The following DPYSL5 variants were observed in gnomAD, a reference collection of about 807,000 sequenced individuals.
DPYSL5 encodes the protein dihydropyrimidinase-related protein 5.
In DPYSL5, 9 loss-of-function variants were observed where a neutral mutation model predicts 58.4. The observed-to-expected ratio is 0.15, with a 90% CI of 0.09 to 0.27. The LOEUF (loss-of-function observed/expected upper bound fraction) is 0.27, where lower values mean the gene tolerates loss of function less well. Among genes scored for constraint, DPYSL5 ranks in the 10% least tolerant of loss-of-function variants. DPYSL5 has a pLI of 1.00. For synonymous variants in DPYSL5, 293 were observed against 301.9 expected (o/e 0.97, Z 0.31); for missense variants, 499 against 770.6 (o/e 0.65, Z 4.17).
intron 1 of DPYSL5, among the ~76,000 whole-genome samples, chr2:26,864,446 G>A (rs1287261447): frequency 6.6e-6 from 1 of 152,190 alleles, no homozygotes; most frequent in African/African-American, 2.4e-5. Context: ...GTAGATGATG[G>A]GAAAGGTGGG....
At chr2:26,901,515 G>A (rs991739794) in intron 2 of DPYSL5, among the ~76,000 whole-genome samples, 9 of 152,202 alleles carry the variant, frequency 5.9e-5, no homozygotes, top group East Asian at 1.9e-4. Flanking sequence ...TGATGGGGAC[G>A]GGTGGATTTA....
rs190437889 is a variant in DPYSL5, at chr2:26,924,693, T to C, written c.262-194T>C. On this transcript the variant is annotated intron_variant, in intron 2 of 12. Transcript: ENST00000288699. This position sits in a 1 kb window ranked among gnomAD's most constrained non-coding sequence, Gnocchi z 4.7. ...AAGCAGGTTTGGGGACCCGTGGTCA[T>C]GATGAAGGTCGCGCTGGCTCTCGCA... Among the ~76,000 whole-genome samples the C allele has an allele frequency of 1.8e-3, 269 of 152,228 alleles. 4 individuals are homozygous for C. Among genetic ancestry groups the C allele is most frequent in the Non-Finnish European group, 4.7e-4 (32 of 68,008 alleles).
At chr2:26,895,400 T>C (rs1451715508) in intron 1 of DPYSL5, among the ~76,000 whole-genome samples, 3 of 152,358 alleles carry the variant, frequency 2.0e-5, no homozygotes, top group Non-Finnish European at 2.9e-5. Context: ...ATTTCTTTCA[T>C]TGGCATTTTG....
rs1663431810 is a variant in DPYSL5, at chr2:26,877,087, C to T, written c.-4-21409C>T. Among the ~76,000 whole-genome samples, 1 of 151,386 alleles carries T rather than the reference C, an allele frequency of 6.6e-6. No individual in the cohort carries two copies. Among genetic ancestry groups the T allele is most frequent in the African/African-American group, 2.4e-5 (1 of 41,170 alleles). ...GTTCAAGCGATTCTCTTGCCTCAGC[C>T]TCCCGAGTAGCTGGGATTATAGGCG... On this transcript the variant is annotated intron_variant, in intron 1 of 12. Transcript: ENST00000288699. This position sits in a 1 kb window ranked among gnomAD's most constrained non-coding sequence, Gnocchi z 4.1.
intron 2 of DPYSL5, among the ~76,000 whole-genome samples, chr2:26,917,885 C>T (rs1217969596): frequency 6.6e-6 from 1 of 152,074 alleles, no homozygotes; most frequent in Non-Finnish European, 1.5e-5. Context: ...CCTGTAATCC[C>T]AGCACTTTGA....
At position 26,933,227 on chromosome 2, in the gene DPYSL5, C is replaced by T. The variant is rs1461074668; in HGVS notation, c.715-31C>T. 1.2e-6 allele frequency: 2 copies of T among 1,607,204 alleles called. No homozygotes were observed. The highest frequency in any genetic ancestry group is 1.7e-6 in the Non-Finnish European group (2 of 1,173,686). On this transcript the variant is annotated intron_variant, in intron 6 of 12. Coordinates refer to ENST00000288699, the MANE Select transcript of DPYSL5 (RefSeq NM_020134.4). This position sits in a 1 kb window ranked among gnomAD's most constrained non-coding sequence, Gnocchi z 4.2. ...TGCTTGTGAAGTTTATGGGTCAACC[C>T]TCCCTACTTCCCACTGTTTCTTGTG...
chr2:26,906,916 G>A (rs1188346012), intron 2 of DPYSL5, among the ~76,000 whole-genome samples: 1 of 151,900 alleles, frequency 6.6e-6, no homozygotes, highest in Non-Finnish European at 1.5e-5. Context: ...ACATGCCACT[G>A]TGCCCAGCTA....
chr2:26,939,974 C>T, intron 8 of DPYSL5, 57 bp from the exon 9 acceptor site: 2 of 1,607,940 alleles, frequency 1.2e-6, no homozygotes, highest in South Asian at 1.1e-5. Flanking sequence ...TCTATCCTCA[C>T]CCTCTAAGTT....
chr2:26,872,979 C>T (rs1270826780), intron 1 of DPYSL5, among the ~76,000 whole-genome samples: 1 of 152,122 alleles, frequency 6.6e-6, no homozygotes. Context: ...AGACTGAAAC[C>T]TCTTTTTAAT....
At chr2:26,892,223 C>T (rs1019307226) in intron 1 of DPYSL5, among the ~76,000 whole-genome samples, 21 of 152,186 alleles carry the variant, frequency 1.4e-4, no homozygotes, top group African/African-American at 4.6e-4. Flanking sequence ...GAGGCTAACA[C>T]TTCCTGCCTT....
intron 1 of DPYSL5, among the ~76,000 whole-genome samples, chr2:26,850,269 A>G (rs981868110): frequency 6.6e-6 from 1 of 152,124 alleles, no homozygotes; most frequent in African/African-American, 2.4e-5. Context: ...CTGCTGACCT[A>G]AGACTGGGGT....
chr2:26,931,165 ATATATGTG>A (rs1664967263), intron 5 of DPYSL5, among the ~76,000 whole-genome samples: 1 of 50,376 alleles, frequency 2.0e-5, no homozygotes, highest in African/African-American at 6.3e-5. Flanking sequence ...ATATATATAT[ATATATGTG>A]TGTGTGTGTG....
intron 8 of DPYSL5, among the ~76,000 whole-genome samples, chr2:26,937,465 G>T (rs897227950): frequency 1.3e-5 from 2 of 152,014 alleles, no homozygotes; most frequent in Admixed American, 1.3e-4. Flanking sequence ...TAATTTATAT[G>T]ATGCAAGATA....
In DPYSL5 at chr2:26,948,377, C is replaced by T. The variant is rs10181727; in HGVS notation, c.*1382C>T. ...CCATCCAGGTGGGCCCTCCCTGCTT[C>T]TAAAGCCCCACAGAAGTTCCCATGG... On this transcript the variant is annotated 3_prime_UTR_variant, in exon 13 of 13. Coordinates refer to ENST00000288699, the MANE Select transcript of DPYSL5 (RefSeq NM_020134.4). 54,088 of 152,254 alleles carry T rather than the reference C, an allele frequency of 0.36. 10,069 individuals are homozygous for T. Among genetic ancestry groups the T allele is most frequent in the Admixed American group, 0.5 (7,602 of 15,290 alleles). 9.4% of individuals were successfully genotyped at this position (152,254 alleles called of 1,614,324 possible).
chr2:26,943,071 G>A (rs1665367280), intron 11 of DPYSL5, among the ~76,000 whole-genome samples: 1 of 152,198 alleles, frequency 6.6e-6, no homozygotes, highest in Non-Finnish European at 1.5e-5. Context: ...GGCTTGGGGT[G>A]GAGGAGGTGC....
chr2:26,856,124 A>G (rs1261647883), intron 1 of DPYSL5, among the ~76,000 whole-genome samples: 1 of 152,222 alleles, frequency 6.6e-6, no homozygotes, highest in Non-Finnish European at 1.5e-5. Context: ...AGAAGTGTAC[A>G]AACCATAAGT....
At chr2:26,943,903 C>G (rs1665390890) in intron 11 of DPYSL5, among the ~76,000 whole-genome samples, 1 of 152,216 alleles carries the variant, frequency 6.6e-6, no homozygotes, top group African/African-American at 2.4e-5. Context: ...TGTTTAGCCT[C>G]TGTTCCCTCA....
intron 2 of DPYSL5, among the ~76,000 whole-genome samples, chr2:26,908,775 C>A (rs1438741984): frequency 1.3e-5 from 2 of 152,162 alleles, no homozygotes; most frequent in Non-Finnish European, 2.9e-5. Context: ...ATGCTGTCAT[C>A]CACTGGAATT....
intron 1 of DPYSL5, among the ~76,000 whole-genome samples, chr2:26,869,966 G>A (rs867791607): frequency 1.3e-5 from 2 of 152,250 alleles, no homozygotes; most frequent in African/African-American, 4.8e-5. Context: ...AGCTGAGATC[G>A]CGCCACTGCA....
Sources: allele counts gnomAD v4.1 joint callset (sites outside exome capture counted in the v4.1 genomes callset), GRCh38; gene constraint gnomAD v4.1.1; non-coding constraint Gnocchi (gnomAD v3.1); transcripts MANE v1.5; gene names NCBI Gene and HGNC (gene_info 2026-07-23, HGNC 2026-07-21).